The following SFRP1 variants were observed in gnomAD, a reference collection of about 807,000 sequenced individuals.
The protein encoded by SFRP1 is secreted frizzled-related protein 1.
SFRP1 carries 9 observed loss-of-function variants against 25.9 expected under a neutral mutation model. The observed-to-expected ratio is 0.35, with a 90% confidence interval of 0.21 to 0.61. SFRP1 has a LOEUF of 0.61. SFRP1 is among the 20% of genes least tolerant of loss of function. SFRP1 has a pLI of 0.78. For synonymous variants in SFRP1, 178 were observed against 174.0 expected, an observed-to-expected ratio of 1.02 and a Z score of -0.18; for missense variants, 346 against 418.2, an observed-to-expected ratio of 0.83 and a Z score of 1.51.
rs550940102 is a variant in SFRP1 at position 41,281,154 on chromosome 8, G to A, written c.623-15665C>T. 8.5e-5 allele frequency among the ~76,000 whole-genome samples: 13 copies of A among 152,186 alleles called. No individual in the cohort carries two copies. The South Asian group carries it at 2.5e-3, about 29-fold the overall frequency. On this transcript the variant is annotated intron_variant, in intron 2 of 2. Transcript: ENST00000220772. ...GCCACCTGCCAAGTGCTCCTACCTCGTTCATGGCCTTCCACTCCGTGCAGG... is the reference window on the plus strand; with the variant it reads ...GCCACCTGCCAAGTGCTCCTACCTCATTCATGGCCTTCCACTCCGTGCAGG...
At position 41,291,718 on chromosome 8, in the gene SFRP1, C is replaced by T. The variant is rs554722662; in HGVS notation, c.622+11743G>A. 6.6e-5 allele frequency among the ~76,000 whole-genome samples: 10 copies of T among 152,214 alleles called. No individual in the cohort carries two copies. In the East Asian group the frequency reaches 1.2e-3, roughly 18 times the overall value. On this transcript the variant is annotated intron_variant, in intron 2 of 2. Coordinates refer to ENST00000220772, the MANE Select transcript of SFRP1 (RefSeq NM_003012.5). ...ACCATTTTCTGGACACTCACCAGCG[C>T]GGAGCCCAGCACACACACCACGCAG...
chr8:41,265,990 A>T lies in SFRP1; in HGVS notation c.623-501T>A, dbSNP rs372133428. The stretch of plus-strand genomic sequence containing the variant: ...AGACCAGCCTGGCCAGCATGGTGAA[A>T]CCCCATCTCTACTAAAAATACAAAA... On this transcript the variant is annotated intron_variant, in intron 2 of 2. Transcript: ENST00000220772. Among the ~76,000 whole-genome samples, 6 of 152,124 alleles carry T rather than the reference A, an allele frequency of 3.9e-5. 1 individual carries two copies. Among genetic ancestry groups the T allele is most frequent in the African/African-American group, 1.4e-4 (6 of 41,502 alleles).
At chr8:41,302,693 G>A (rs912284719) in intron 2 of SFRP1, among the ~76,000 whole-genome samples, 1 of 152,176 alleles carries the variant, frequency 6.6e-6, no homozygotes, top group South Asian at 2.1e-4. Flanking sequence ...TCTCAGAGGA[G>A]AGACTCTCAG....
chr8:41,267,836 T>A (rs1324944586), intron 2 of SFRP1, among the ~76,000 whole-genome samples: 1 of 152,188 alleles, frequency 6.6e-6, no homozygotes, highest in Non-Finnish European at 1.5e-5. Flanking sequence ...GGTTCCAAAA[T>A]TCTTTAGAAT....
intron 1 of SFRP1, chr8:41,306,815 A>G (rs888945274): frequency 6.9e-6 from 11 of 1,598,166 alleles, no homozygotes; most frequent in Non-Finnish European, 9.3e-6. Flanking sequence ...CAAGGGGCAA[A>G]AGGTGTCCGG....
At chr8:41,283,115 CCT>C (rs753269600) in intron 2 of SFRP1, among the ~76,000 whole-genome samples, 55 of 152,286 alleles carry the variant, frequency 3.6e-4, no homozygotes, top group South Asian at 1.7e-3. Context: ...CCTGTTTCTT[CCT>C]CTCTTTCTAG....
At chr8:41,278,010 C>T (rs1803591191) in intron 2 of SFRP1, among the ~76,000 whole-genome samples, 1 of 152,178 alleles carries the variant, frequency 6.6e-6, no homozygotes, top group African/African-American at 2.4e-5. Flanking sequence ...AGGGTTGGGA[C>T]AGGGTGGGTT....
rs1803413051 is a variant in SFRP1, at chr8:41,264,731, C to T, written c.*436G>A. 1 of 164,680 alleles carries T rather than the reference C, an allele frequency of 6.1e-6. No homozygotes were observed. Among genetic ancestry groups the T allele is most frequent in the African/African-American group, 2.4e-5 (1 of 41,740 alleles). 10.2% of individuals were successfully genotyped at this position (164,680 alleles called of 1,614,324 possible). A position where few individuals can be genotyped will look rare whatever the true frequency, so the allele number is the denominator to read the frequency against. On this transcript the variant is annotated 3_prime_UTR_variant, in exon 3 of 3. Coordinates refer to ENST00000220772, the MANE Select transcript of SFRP1 (RefSeq NM_003012.5). ...TACTCTGGACCTGAAAACAACGTGA[C>T]TTGCCAATCATTAGAATTTTCTAGT...
intron 2 of SFRP1, among the ~76,000 whole-genome samples, chr8:41,286,910 G>A (rs1324312650): frequency 6.6e-6 from 1 of 152,216 alleles, no homozygotes; most frequent in Non-Finnish European, 1.5e-5. Context: ...AAAGCACACA[G>A]TGAGTGCCCC....
chr8:41,294,926 C>G (rs1563365318), intron 2 of SFRP1, among the ~76,000 whole-genome samples: 1 of 152,170 alleles, frequency 6.6e-6, no homozygotes, highest in Admixed American at 6.5e-5. Context: ...GTTATGGGAG[C>G]TACCCACAAT....
intron 2 of SFRP1, among the ~76,000 whole-genome samples, chr8:41,268,864 GC>G: frequency 6.6e-6 from 1 of 152,202 alleles, no homozygotes; most frequent in Non-Finnish European, 1.5e-5. Flanking sequence ...CAGGGCCTGG[GC>G]CCCAGCGATG....
intron 1 of SFRP1, chr8:41,306,673 C>A (rs752110367): frequency 1.3e-6 from 2 of 1,582,478 alleles, no homozygotes; most frequent in Non-Finnish European, 1.7e-6. Flanking sequence ...CGGCCCTCTC[C>A]CCACTTTTCT....
At chr8:41,293,862 T>C (rs1341961861) in intron 2 of SFRP1, among the ~76,000 whole-genome samples, 1 of 151,560 alleles carries the variant, frequency 6.6e-6, no homozygotes, top group African/African-American at 2.4e-5. Context: ...AGCCTCGACC[T>C]CGCGGGCTCA....
intron 2 of SFRP1, chr8:41,275,311 A>AT: frequency 3.1e-6 from 1 of 322,996 alleles, no homozygotes; most frequent in Non-Finnish European, 5.9e-6. Context: ...AGTTGGATCC[A>AT]TTTTTTCCAA....
intron 2 of SFRP1, among the ~76,000 whole-genome samples, chr8:41,290,861 GTCT>G (rs534174782): frequency 1.2e-4 from 12 of 102,116 alleles, no homozygotes; most frequent in African/African-American, 3.4e-4. Context: ...TGAGGTCTTT[GTCT>G]TCTTCTCCTC....
chr8:41,279,790 A>AT (rs397948389), intron 2 of SFRP1, among the ~76,000 whole-genome samples: 1 of 151,374 alleles, frequency 6.6e-6, no homozygotes, highest in African/African-American at 2.4e-5. Flanking sequence ...AAAAAAAAAA[A>AT]CCTATGTCCA....
chr8:41,294,160 C>A (rs1464509052), intron 2 of SFRP1, among the ~76,000 whole-genome samples: 2 of 152,174 alleles, frequency 1.3e-5, no homozygotes, highest in Admixed American at 1.3e-4. Flanking sequence ...CGGGCTGGCA[C>A]AGCCGCCCTA....
At chr8:41,306,166 T>G (rs1803993043) in intron 1 of SFRP1, among the ~76,000 whole-genome samples, 1 of 133,894 alleles carries the variant, frequency 7.5e-6, no homozygotes, top group African/African-American at 2.5e-5. Context: ...TATCAGCCTT[T>G]GCAGGGGAAA....
At chr8:41,274,925 G>C (rs1803553216) in intron 2 of SFRP1, among the ~76,000 whole-genome samples, 1 of 152,140 alleles carries the variant, frequency 6.6e-6, no homozygotes, top group Non-Finnish European at 1.5e-5. Flanking sequence ...CATTCAGCTG[G>C]AGCAACTTGG....
Sources: gnomAD v4.1 joint callset for allele counts (sites outside exome capture counted in the v4.1 genomes callset) on GRCh38, gnomAD v4.1.1 for gene constraint, MANE v1.5 for transcripts, NCBI Gene and HGNC (gene_info 2026-07-23, HGNC 2026-07-21) for gene names.